Variants in SLC6A13 observed in about 807,000 individuals in gnomAD.
SLC6A13 encodes the protein solute carrier family 6 member 13, also known as sodium- and chloride-dependent GABA transporter 2.
A neutral mutation model predicts 72.9 loss-of-function variants in SLC6A13; 69 were observed. That is an observed-to-expected ratio of 0.95 (90% CI 0.78 to 1.16). The LOEUF is 1.16. Ranked by LOEUF, SLC6A13 falls within the 50% of genes most tolerant of loss-of-function variation. The pLI, the probability that SLC6A13 is intolerant of heterozygous loss-of-function variation, is 0.00. For missense variants in SLC6A13, 735 were observed against 760.5 expected (o/e 0.97, Z 0.39); for synonymous variants, 303 against 303.0 (o/e 1.00, Z 0.00).
intron 7 of SLC6A13, among the ~76,000 whole-genome samples, chr12:230,222 A>G (rs1481809896): frequency 6.6e-6 from 1 of 152,184 alleles, no homozygotes; most frequent in Non-Finnish European, 1.5e-5. Flanking sequence ...CAAGGGAAAA[A>G]TAAGTGTAAA....
chr12:238,192 T>G, intron 4 of SLC6A13, 182 bp from the exon 5 acceptor site: 1 of 1,531,216 alleles, frequency 6.5e-7, no homozygotes, highest in Non-Finnish European at 8.7e-7. Context: ...CAGCTCACTC[T>G]CTCCCGCACA....
At chr12:235,764 C>T (rs185588387) in intron 6 of SLC6A13, among the ~76,000 whole-genome samples, 32 of 152,252 alleles carry the variant, frequency 2.1e-4, no homozygotes, top group African/African-American at 3.4e-4. Context: ...AGCCTATAAA[C>T]GGACGTGCAA....
chr12:255,847 C>A (rs1432960060), intron 2 of SLC6A13, among the ~76,000 whole-genome samples: 2 of 125,020 alleles, frequency 1.6e-5, no homozygotes, highest in African/African-American at 4.9e-5. Context: ...CTTCCCTGAC[C>A]TTACCTTCTA....
At chr12:256,088 C>T (rs1004073223) in intron 2 of SLC6A13, among the ~76,000 whole-genome samples, 4 of 152,184 alleles carry the variant, frequency 2.6e-5, no homozygotes, top group Non-Finnish European at 5.9e-5. Context: ...CTTTACCCAG[C>T]TCTCCTTGTT....
chr12:221,110 G>A (rs745592094), intron 14 of SLC6A13, 40 bp from the exon 15 acceptor site: 1 of 1,550,778 alleles, frequency 6.4e-7, no homozygotes, highest in Non-Finnish European at 8.7e-7. Context: ...TGGTGGAGCG[G>A]GGGCAGGTCT....
intron 5 of SLC6A13, 60 bp from the exon 6 acceptor site, chr12:237,350 C>T (rs933578803): frequency 1.7e-5 from 27 of 1,586,268 alleles, no homozygotes; most frequent in African/African-American, 1.3e-4. Flanking sequence ...TTTGTGGCCC[C>T]GTCCTGGGAC....
chr12:227,692 G>T, intron 7 of SLC6A13, 24 bp from the exon 8 acceptor site: 1 of 1,568,646 alleles, frequency 6.4e-7, no homozygotes, highest in Non-Finnish European at 8.7e-7. Flanking sequence ...GGGCAAGAAA[G>T]GTGAACTCCC....
chr12:243,645 A>G, intron 3 of SLC6A13, 34 bp downstream of exon 3: 1 of 1,598,580 alleles, frequency 6.3e-7, no homozygotes, highest in Non-Finnish European at 8.5e-7. Context: ...ACCACGAATG[A>G]AGACGCTTTG....
chr12:252,491 A>T (rs1942588796), intron 2 of SLC6A13, among the ~76,000 whole-genome samples: 1 of 152,202 alleles, frequency 6.6e-6, no homozygotes, highest in Non-Finnish European at 1.5e-5. Flanking sequence ...TGTGTGGTTT[A>T]TTGTAAGTTA....
chr12:237,841 T>C (rs1468448829), intron 5 of SLC6A13, 85 bp downstream of exon 5: 10 of 1,007,670 alleles, frequency 9.9e-6, no homozygotes, highest in Non-Finnish European at 3.1e-6. Context: ...TTGCTGTCCA[T>C]TGAGAGTGAC....
intron 7 of SLC6A13, among the ~76,000 whole-genome samples, chr12:232,975 T>A (rs1442952779): frequency 6.6e-6 from 1 of 151,796 alleles, no homozygotes; most frequent in Admixed American, 6.5e-5. Flanking sequence ...AGCCTCAGTG[T>A]GCCTGTCGCC....
At chr12:260,341 TGGA>T (rs1296833848) in intron 1 of SLC6A13, among the ~76,000 whole-genome samples, 1 of 152,208 alleles carries the variant, frequency 6.6e-6, no homozygotes, top group Non-Finnish European at 1.5e-5. Context: ...ATTGCAGACA[TGGA>T]GGAGTTCATG....
chr12:224,155 A>AG lies in SLC6A13; in HGVS notation c.1174-27dup, dbSNP rs555195238. 1.5e-4 allele frequency: 236 copies of AG among 1,613,280 alleles called. No homozygotes were observed. In the African/African-American group the frequency reaches 2.9e-3, roughly 20 times the overall value. ...CTGGATGACAGGGCAAAGGGATTGG[A>AG]GGGAAGGAGAGCTCCCGAGATGCCC... On this transcript the variant is annotated intron_variant, in intron 10 of 14. Transcript: ENST00000343164.
At chr12:223,005 G>A (rs1002934154) in intron 12 of SLC6A13, 127 bp downstream of exon 12, 1 of 627,146 alleles carries the variant, frequency 1.6e-6, no homozygotes, top group African/African-American at 1.8e-5. Flanking sequence ...GCAAGATTTT[G>A]GAGGTTGGGT....
intron 2 of SLC6A13, among the ~76,000 whole-genome samples, chr12:246,139 A>T (rs904720665): frequency 6.6e-6 from 1 of 150,528 alleles, no homozygotes; most frequent in African/African-American, 2.4e-5. Flanking sequence ...GTAAAAATAA[A>T]TAAATAAATA....
intron 7 of SLC6A13, 125 bp downstream of exon 7, chr12:234,965 T>C (rs1446583): frequency 0.011 from 11,173 of 1,062,184 alleles, 289 homozygotes; most frequent in African/African-American, 0.089. Flanking sequence ...AGGGTGCACC[T>C]CTGCTGCCAC....
chr12:240,708 G>A (rs571652746), intron 4 of SLC6A13, among the ~76,000 whole-genome samples: 6 of 152,324 alleles, frequency 3.9e-5, no homozygotes, highest in African/African-American at 4.8e-5. Context: ...GGCCGGGGCC[G>A]GTGCAGGTGC....
chr12:227,903 GAAAATGAAAAAGACT>G (rs1941534743), intron 7 of SLC6A13, among the ~76,000 whole-genome samples: 1 of 152,152 alleles, frequency 6.6e-6, no homozygotes. Context: ...GGCATTCAAA[GAAAATGAAAAAGACT>G]AAAAGACCCA....
At chr12:226,616 T>G in intron 8 of SLC6A13, 102 bp from the exon 9 acceptor site, 2 of 1,407,920 alleles carry the variant, frequency 1.4e-6, no homozygotes, top group Non-Finnish European at 1.9e-6. Context: ...TGGCGGACAC[T>G]GTCCTGGCCC....
Sources: gnomAD v4.1 joint callset for allele counts (sites outside exome capture counted in the v4.1 genomes callset) on GRCh38, gnomAD v4.1.1 for gene constraint, MANE v1.5 for transcripts, NCBI Gene and HGNC (gene_info 2026-07-23, HGNC 2026-07-21) for gene names.